ANKS1A: variants seen among roughly 807,000 people sequenced by gnomAD.
The protein encoded by ANKS1A is ankyrin repeat and SAM domain-containing protein 1A.
A neutral mutation model predicts 120.3 loss-of-function variants in ANKS1A; 55 were observed. That is an observed-to-expected ratio of 0.46 (90% confidence interval 0.37 to 0.57). The LOEUF (loss-of-function observed/expected upper bound fraction) is 0.57, where lower values mean the gene tolerates loss of function less well. Among genes scored for constraint, ANKS1A ranks in the 20% least tolerant of loss-of-function variants. The probability of loss-of-function intolerance (pLI) is 0.00; values close to 1 mark genes in which losing one functional copy is unlikely to be tolerated. For synonymous variants in ANKS1A, 590 were observed against 604.7 expected (o/e 0.98, Z 0.36); for missense variants, 1,123 against 1,480.3 (o/e 0.76, Z 3.96).
rs1383628856 is a variant in ANKS1A, at chr6:35,082,471, C to A, written c.2710-220C>A. ...GAGACTGTCCTTCCCAAGCCCTGCT[C>A]TCAGGCGGTTTGGGTCCCTGCTGTG... On this transcript the variant is annotated intron_variant, in intron 17 of 23. Coordinates refer to ENST00000360359, the MANE Select transcript of ANKS1A (RefSeq NM_015245.3). The surrounding 1 kb of genome is among the most constrained non-coding windows in gnomAD (Gnocchi z 4.1). Among the ~76,000 whole-genome samples the A allele has an allele frequency of 6.6e-6, 1 of 152,146 alleles. No homozygotes were observed. The highest frequency in any genetic ancestry group is 1.5e-5 in the Non-Finnish European group (1 of 68,010).
chr6:34,951,974 G>A (rs1026195429), intron 1 of ANKS1A, among the ~76,000 whole-genome samples: 4 of 152,246 alleles, frequency 2.6e-5, no homozygotes, highest in East Asian at 1.9e-4. Flanking sequence ...AATGTGAGGC[G>A]GGGCGGAAAT....
Position 34,938,408 on chromosome 6 carries a change from C to T in ANKS1A, c.198-28831C>T, listed in dbSNP as rs369334957. Among the ~76,000 whole-genome samples the T allele has an allele frequency of 5.3e-5, 8 of 152,174 alleles. No homozygotes were observed. The South Asian group carries it at 1.0e-3, about 20-fold the overall frequency. On this transcript the variant is annotated intron_variant, in intron 1 of 23. Coordinates refer to ENST00000360359, the MANE Select transcript of ANKS1A (RefSeq NM_015245.3). The stretch of plus-strand genomic sequence containing the variant: ...GAAAAGGCTGTGTCATTGCCCCTGC[C>T]CTGGCACAAATCAGTCTGTTCCTTA...
Position 34,989,247 on chromosome 6 carries a change from A to T in ANKS1A, c.1233A>T (p.Ala411=). 1 of 1,614,106 alleles carries T rather than the reference A, an allele frequency of 6.2e-7. No individual in the cohort carries two copies. The highest frequency in any genetic ancestry group is 8.5e-7 in the Non-Finnish European group (1 of 1,179,960). ...AGAGGGAACGTCCACCACCTCCAGCAAAGCCACCGCCCGATGAAGAGGAAG... is the reference window on the plus strand; with the variant it reads ...AGAGGGAACGTCCACCACCTCCAGCTAAGCCACCGCCCGATGAAGAGGAAG... ...VRPRERPPPP[A]KPPPDEEEED... Residue 411 remains alanine, a synonymous_variant, in exon 9 of 24, where the codon GCA becomes GCT. Transcript: ENST00000360359.
At position 35,060,994 on chromosome 6, in the gene ANKS1A, C is replaced by T. The variant is rs1776467164; in HGVS notation, c.2184+741C>T. ...CATCTGCATGCGCCGGGCCTGCTTC[C>T]AGGAGCAGGCATTTGAGCCAAAGTT... On this transcript the variant is annotated intron_variant, in intron 13 of 23. Coordinates refer to ENST00000360359, the MANE Select transcript of ANKS1A (RefSeq NM_015245.3). The surrounding 1 kb of genome is among the most constrained non-coding windows in gnomAD (Gnocchi z 4.5). 6.6e-6 allele frequency among the ~76,000 whole-genome samples: 1 copy of T among 152,200 alleles called. No homozygotes were observed. Among genetic ancestry groups the T allele is most frequent in the Non-Finnish European group, 1.5e-5 (1 of 68,032 alleles).
At chr6:35,021,235 T>A (rs879939972) in intron 11 of ANKS1A, among the ~76,000 whole-genome samples, 1 of 152,232 alleles carries the variant, frequency 6.6e-6, no homozygotes, top group Non-Finnish European at 1.5e-5. Flanking sequence ...CTGATTTTTT[T>A]CTTTGTTGTC....
Position 34,967,285 on chromosome 6 carries a change from A to C in ANKS1A, c.244A>C (p.Thr82Pro). Residue 82 changes from threonine (T) to proline (P), a missense_variant, in exon 2 of 24, where the codon ACA becomes CCA. By Grantham distance (38) the Thr-to-Pro change is conservative. Transcript: ENST00000360359. The part of the protein sequence containing the change: ...NVNCVDSTGY[T>P]PLHHAALNGH... ...GAACTGTGTTGACAGCACTGGCTAC[A>C]CACCCCTGCACCATGCTGCTTTGAA... 1 of 1,613,874 alleles carries C rather than the reference A, an allele frequency of 6.2e-7. No homozygotes were observed. Among genetic ancestry groups the C allele is most frequent in the Non-Finnish European group, 8.5e-7 (1 of 1,179,968 alleles).
At chr6:35,011,118 G>A (rs1381002088) in intron 10 of ANKS1A, among the ~76,000 whole-genome samples, 1 of 152,188 alleles carries the variant, frequency 6.6e-6, no homozygotes, top group Non-Finnish European at 1.5e-5. Flanking sequence ...ATATTAAAAA[G>A]AAAATGCTTG....
intron 1 of ANKS1A, among the ~76,000 whole-genome samples, chr6:34,950,387 C>G (rs1770022186): frequency 1.3e-5 from 2 of 151,936 alleles, no homozygotes; most frequent in Admixed American, 1.3e-4. Context: ...CGCCACCACG[C>G]CCAGCTAATT....
intron 1 of ANKS1A, among the ~76,000 whole-genome samples, chr6:34,903,035 A>T (rs533293029): frequency 6.6e-6 from 1 of 152,262 alleles, no homozygotes; most frequent in South Asian, 2.1e-4. Context: ...GTGAAATTTC[A>T]CAGTCACTTA....
intron 11 of ANKS1A, among the ~76,000 whole-genome samples, chr6:35,035,600 T>C (rs1171493685): frequency 6.6e-6 from 1 of 152,204 alleles, no homozygotes; most frequent in Non-Finnish European, 1.5e-5. Flanking sequence ...TCATGTCACA[T>C]TGACACATGG....
intron 1 of ANKS1A, among the ~76,000 whole-genome samples, chr6:34,903,528 T>C (rs1767474468): frequency 6.6e-6 from 1 of 152,010 alleles, no homozygotes; most frequent in Non-Finnish European, 1.5e-5. Context: ...AGACAGAGTC[T>C]CGCTCTGTTG....
intron 8 of ANKS1A, 100 bp from the exon 9 acceptor site, chr6:34,989,124 C>A: frequency 1.9e-6 from 2 of 1,045,982 alleles, no homozygotes; most frequent in Non-Finnish European, 2.8e-6. Context: ...GAGTTCCATA[C>A]ATTATTTTTT....
intron 1 of ANKS1A, among the ~76,000 whole-genome samples, chr6:34,892,531 A>G (rs1766873920): frequency 6.6e-6 from 1 of 152,236 alleles, no homozygotes; most frequent in Non-Finnish European, 1.5e-5. Flanking sequence ...TTGCAGTGGA[A>G]TAATTGTTCC....
At chr6:35,003,518 C>T (rs1191653761) in intron 10 of ANKS1A, among the ~76,000 whole-genome samples, 1 of 152,106 alleles carries the variant, frequency 6.6e-6, no homozygotes, top group Non-Finnish European at 1.5e-5. Context: ...CACATGTGCC[C>T]GTACAAGTGT....
At chr6:34,992,443 C>G (rs1772625867) in intron 9 of ANKS1A, among the ~76,000 whole-genome samples, 1 of 152,230 alleles carries the variant, frequency 6.6e-6, no homozygotes, top group South Asian at 2.1e-4. Flanking sequence ...GGCTGGGCAT[C>G]CAGGCTGTCA....
intron 1 of ANKS1A, among the ~76,000 whole-genome samples, chr6:34,936,338 C>T (rs1769256825): frequency 6.6e-6 from 1 of 152,176 alleles, no homozygotes; most frequent in Non-Finnish European, 1.5e-5. Context: ...TGCCTGTCCT[C>T]ACAGTGGAGG....
Position 35,091,279 on chromosome 6 carries a change from C to T in ANKS1A, c.*2670C>T. 1 of 985,898 alleles carries T rather than the reference C, an allele frequency of 1.0e-6. No homozygotes were observed. The highest frequency in any genetic ancestry group is 1.2e-6 in the Non-Finnish European group (1 of 829,954). The allele number at this position is 985,898 out of a possible 1,614,324, so 61.1% of individuals were successfully genotyped here. A position where few individuals can be genotyped will look rare whatever the true frequency, so the allele number is the denominator to read the frequency against. On this transcript the variant is annotated 3_prime_UTR_variant, in exon 24 of 24. Coordinates refer to ENST00000360359, the MANE Select transcript of ANKS1A (RefSeq NM_015245.3). The stretch of plus-strand genomic sequence containing the variant: ...CAAACATAACCAATCTGTGCAACAA[C>T]ATAGACTGACCTCAGTACCCAAGAG...
intron 1 of ANKS1A, among the ~76,000 whole-genome samples, chr6:34,904,447 T>A (rs1181376435): frequency 1.3e-5 from 2 of 151,834 alleles, no homozygotes; most frequent in East Asian, 1.9e-4. Context: ...AAAAAAAAAA[T>A]TATGGGCTGG....
chr6:35,027,362 A>G (rs1188465604), intron 11 of ANKS1A, among the ~76,000 whole-genome samples: 2 of 152,148 alleles, frequency 1.3e-5, no homozygotes, highest in East Asian at 3.9e-4. Flanking sequence ...TACAACCAGT[A>G]AGAGAGGGAG....
Sources: gnomAD v4.1 joint callset for allele counts (sites outside exome capture counted in the v4.1 genomes callset) on GRCh38, gnomAD v4.1.1 for gene constraint, Gnocchi (gnomAD v3.1) non-coding constraint, MANE v1.5 for transcripts, NCBI Gene and HGNC (gene_info 2026-07-23, HGNC 2026-07-21) for gene names.